Variants in ASTN2 observed in about 807,000 individuals in gnomAD.
ASTN2 encodes the protein astrotactin 2.
A neutral mutation model predicts 139.8 loss-of-function variants in ASTN2; 54 were observed. The ratio of observed to expected loss-of-function variants is 0.39; its 90% CI spans 0.31 to 0.48. The LOEUF is 0.48. Among genes scored for constraint, ASTN2 ranks in the 20% least tolerant of loss-of-function variants. ASTN2 has a pLI of 0.95. For missense variants in ASTN2, 1,565 were observed against 1,725.1 expected (o/e 0.91, Z 1.64); for synonymous variants, 756 against 719.5 (o/e 1.05, Z -0.81).
At chr9:116,936,429 A>T (rs1362063334) in intron 10 of ASTN2, among the ~76,000 whole-genome samples, 1 of 152,140 alleles carries the variant, frequency 6.6e-6, no homozygotes. Flanking sequence ...AGCACTTTAC[A>T]TGCATGGTCT....
intron 7 of ASTN2, among the ~76,000 whole-genome samples, chr9:116,996,104 TCTCAAGTTCACTTGAA>T (rs1837007816): frequency 6.6e-6 from 1 of 152,026 alleles, no homozygotes; most frequent in Admixed American, 6.6e-5. Context: ...GTTCACTTGA[TCTCAAGTTCACTTGAA>T]CTCAAGTGAT....
rs113366410 is a variant in ASTN2 at position 116,620,513 on chromosome 9, T to C, written c.3073-70A>G. ...GAGAGATTGAGAGTAAATGTGCTGA[T>C]GGCCATGATGTGAGCCATCGAGGGC... is the stretch of plus-strand genomic sequence containing the variant. On this transcript the variant is annotated intron_variant, in intron 17 of 22. Coordinates refer to ENST00000313400, the MANE Select transcript of ASTN2 (RefSeq NM_001365068.1). 2.3e-5 allele frequency: 36 copies of C among 1,591,822 alleles called. 1 individual carries two copies. The highest frequency in any genetic ancestry group is 2.0e-4 in the African/African-American group (15 of 74,694).
At chr9:116,991,625 A>G (rs1836859933) in intron 7 of ASTN2, among the ~76,000 whole-genome samples, 1 of 151,398 alleles carries the variant, frequency 6.6e-6, no homozygotes, top group Non-Finnish European at 1.5e-5. Flanking sequence ...GGCTTGGAGA[A>G]ATTAAGTGAA....
chr9:117,201,341 T>C (rs999675525), intron 3 of ASTN2, among the ~76,000 whole-genome samples: 22 of 152,102 alleles, frequency 1.4e-4, no homozygotes, highest in Admixed American at 7.2e-4. Context: ...TTCGTTCAGT[T>C]TTTGGAGGGT....
intron 5 of ASTN2, among the ~76,000 whole-genome samples, chr9:117,041,464 C>T (rs149307544): frequency 9.2e-5 from 14 of 152,146 alleles, no homozygotes; most frequent in Non-Finnish European, 2.9e-5. Context: ...GAGATGTCAC[C>T]TTTGAGTTTC....
chr9:117,047,542 TC>T (rs1838780724), intron 5 of ASTN2, among the ~76,000 whole-genome samples: 2 of 152,164 alleles, frequency 1.3e-5, no homozygotes, highest in Admixed American at 6.5e-5. Context: ...GAAAGAAAAC[TC>T]AACCCCTACT....
chr9:116,954,658 A>G (rs2225362), intron 10 of ASTN2, among the ~76,000 whole-genome samples: 107,935 of 151,798 alleles, frequency 0.71, 39,600 homozygotes, highest in Admixed American at 0.83. Context: ...ATAAAACTTT[A>G]TTTATTAAAA....
At chr9:116,866,252 G>C (rs557652705) in intron 10 of ASTN2, among the ~76,000 whole-genome samples, 6 of 152,292 alleles carry the variant, frequency 3.9e-5, no homozygotes, top group African/African-American at 1.2e-4. Flanking sequence ...ACACCCAAAG[G>C]CTTAGACGCA....
intron 11 of ASTN2, among the ~76,000 whole-genome samples, chr9:116,840,574 T>A (rs1588341776): frequency 1.8e-5 from 2 of 113,120 alleles, no homozygotes; most frequent in Admixed American, 1.8e-4. Context: ...CCCACCTCCC[T>A]CCCGGACGAG....
chr9:116,977,247 A>G (rs1222723249), intron 7 of ASTN2, among the ~76,000 whole-genome samples: 1 of 152,214 alleles, frequency 6.6e-6, no homozygotes, highest in Non-Finnish European at 1.5e-5. Context: ...AAATGCCGCT[A>G]TCTCCAAGAA....
At chr9:116,777,252 A>G (rs4836851) in intron 13 of ASTN2, among the ~76,000 whole-genome samples, 126,654 of 152,112 alleles carry the variant, frequency 0.83, 53,388 homozygotes, top group Non-Finnish European at 0.91. Flanking sequence ...GCAGACATCC[A>G]TACAGCAGGG....
intron 2 of ASTN2, among the ~76,000 whole-genome samples, chr9:117,239,039 A>G (rs1265104449): frequency 6.6e-6 from 1 of 152,224 alleles, no homozygotes; most frequent in African/African-American, 2.4e-5. Flanking sequence ...TACTTCATCA[A>G]TGTAAAAACT....
intron 19 of ASTN2, among the ~76,000 whole-genome samples, chr9:116,513,648 A>G (rs1287135748): frequency 2.0e-5 from 3 of 152,186 alleles, no homozygotes; most frequent in Non-Finnish European, 2.9e-5. Context: ...TATCAGACGT[A>G]GATTTGGTCT....
chr9:116,853,145 A>G (rs1191520182), intron 11 of ASTN2, among the ~76,000 whole-genome samples: 1 of 152,178 alleles, frequency 6.6e-6, no homozygotes, highest in African/African-American at 2.4e-5. Context: ...CTATATATAC[A>G]CCAAACCGTG....
At chr9:117,299,999 C>A (rs1834837159) in intron 1 of ASTN2, among the ~76,000 whole-genome samples, 1 of 152,172 alleles carries the variant, frequency 6.6e-6, no homozygotes, top group South Asian at 2.1e-4. Context: ...CTACTTACAT[C>A]ACATCTAATG....
intron 16 of ASTN2, among the ~76,000 whole-genome samples, chr9:116,655,066 A>C (rs1170033021): frequency 1.3e-5 from 2 of 152,202 alleles, no homozygotes; most frequent in Non-Finnish European, 2.9e-5. Flanking sequence ...TAGTTTTGCC[A>C]AAGGAGGGCT....
chr9:116,741,714 T>C (rs190359331), intron 13 of ASTN2, among the ~76,000 whole-genome samples: 6 of 152,246 alleles, frequency 3.9e-5, no homozygotes, highest in African/African-American at 1.4e-4. Flanking sequence ...GGGCTAGATT[T>C]TGTAGCTGTC....
intron 10 of ASTN2, among the ~76,000 whole-genome samples, chr9:116,881,858 T>G (rs560500359): frequency 6.6e-6 from 1 of 152,336 alleles, no homozygotes; most frequent in African/African-American, 2.4e-5. Flanking sequence ...TAAATAGTAG[T>G]AATTTCATTT....
At chr9:117,004,071 C>T (rs1837286574) in intron 7 of ASTN2, among the ~76,000 whole-genome samples, 1 of 151,660 alleles carries the variant, frequency 6.6e-6, no homozygotes, top group Admixed American at 6.6e-5. Context: ...TCATATGATG[C>T]ATAAGAGCTG....
Sources: gnomAD v4.1 joint callset for allele counts (sites outside exome capture counted in the v4.1 genomes callset) on GRCh38, gnomAD v4.1.1 for gene constraint, MANE v1.5 for transcripts, NCBI Gene and HGNC (gene_info 2026-07-23, HGNC 2026-07-21) for gene names.